Variants in NRG3 observed in about 807,000 individuals in gnomAD.
The protein encoded by NRG3 is pro-neuregulin-3, membrane-bound isoform.
Under a neutral mutation model 66.9 loss-of-function variants are expected in NRG3, and 31 were observed. The ratio of observed to expected loss-of-function variants is 0.46; its 90% CI spans 0.35 to 0.63. The LOEUF is 0.63. Among genes scored for constraint, NRG3 ranks in the 20% least tolerant of loss-of-function variants. The probability of loss-of-function intolerance (pLI) is 0.00; values close to 1 mark genes in which losing one functional copy is unlikely to be tolerated. For missense variants in NRG3, 910 were observed against 878.9 expected, an observed-to-expected ratio of 1.04 and a Z score of -0.45; for synonymous variants, 393 against 359.4, an observed-to-expected ratio of 1.09 and a Z score of -1.06.
chr10:82,900,889 G>A (rs995935834), intron 4 of NRG3, among the ~76,000 whole-genome samples: 5 of 152,098 alleles, frequency 3.3e-5, no homozygotes, highest in African/African-American at 7.2e-5. Context: ...TTTTGCCTTC[G>A]TTTTGCTTTG....
intron 2 of NRG3, among the ~76,000 whole-genome samples, chr10:82,448,796 G>T (rs1276586723): frequency 6.6e-6 from 1 of 151,934 alleles, no homozygotes; most frequent in East Asian, 1.9e-4. Context: ...ATATATTCAT[G>T]CATACATAAT....
chr10:82,892,646 A>G (rs1843262613), intron 4 of NRG3, among the ~76,000 whole-genome samples: 1 of 151,706 alleles, frequency 6.6e-6, no homozygotes, highest in South Asian at 2.1e-4. Flanking sequence ...AGCTTGGATG[A>G]TAGAGTGATA....
At chr10:82,695,972 A>C (rs1452536528) in intron 2 of NRG3, among the ~76,000 whole-genome samples, 1 of 152,166 alleles carries the variant, frequency 6.6e-6, no homozygotes, top group Non-Finnish European at 1.5e-5. Context: ...AGGATGTACT[A>C]AATCACCTTG....
At chr10:82,634,260 C>G (rs537037615) in intron 2 of NRG3, among the ~76,000 whole-genome samples, 1 of 152,040 alleles carries the variant, frequency 6.6e-6, no homozygotes, top group Admixed American at 6.6e-5. Context: ...ACTGGAAGAT[C>G]AATTAAAAGC....
intron 1 of NRG3, among the ~76,000 whole-genome samples, chr10:81,913,238 A>T (rs1017728277): frequency 6.6e-6 from 1 of 152,178 alleles, no homozygotes; most frequent in African/African-American, 2.4e-5. Context: ...AGCTTCAAAG[A>T]GCAGAGCAGT....
At chr10:82,346,659 C>T (rs2083044277) in intron 1 of NRG3, among the ~76,000 whole-genome samples, 2 of 150,924 alleles carry the variant, frequency 1.3e-5, no homozygotes, top group Admixed American at 6.6e-5. Flanking sequence ...CCTCCTTGTA[C>T]CTCTGGTAGA....
chr10:82,094,773 T>C (rs2066231843), intron 1 of NRG3, among the ~76,000 whole-genome samples: 1 of 152,132 alleles, frequency 6.6e-6, no homozygotes, highest in Non-Finnish European at 1.5e-5. Context: ...TTATCTTAAG[T>C]GAAACAACTC....
intron 1 of NRG3, among the ~76,000 whole-genome samples, chr10:81,905,482 A>C (rs1268602977): frequency 6.6e-6 from 1 of 152,214 alleles, no homozygotes; most frequent in Non-Finnish European, 1.5e-5. Context: ...CCATAGAATC[A>C]GAGAGGAGTT....
At position 81,968,526 on chromosome 10, in the gene NRG3, C is replaced by T. The variant is rs139569119; in HGVS notation, c.823+92363C>T. On this transcript the variant is annotated intron_variant, in intron 1 of 8. Coordinates refer to ENST00000372141, the MANE Select transcript of NRG3 (RefSeq NM_001010848.4). ...CGTTGGGGGACTGGGCACCCCTCTT[C>T]CAGCTGCCGTGTTTTGGCAGGAACT... Among the ~76,000 whole-genome samples the T allele has an allele frequency of 6.5e-3, 988 of 152,316 alleles. 10 individuals carry two copies. Among genetic ancestry groups the T allele is most frequent in the Middle Eastern group, 0.01 (3 of 294 alleles).
chr10:82,049,682 A>C (rs1198305580), intron 1 of NRG3, among the ~76,000 whole-genome samples: 2 of 152,046 alleles, frequency 1.3e-5, no homozygotes, highest in Non-Finnish European at 2.9e-5. Context: ...GTTTTTCAAA[A>C]GAGAGGGTCT....
At chr10:82,965,777 G>A (rs1000887119) in intron 6 of NRG3, among the ~76,000 whole-genome samples, 5 of 151,932 alleles carry the variant, frequency 3.3e-5, no homozygotes, top group African/African-American at 1.2e-4. Flanking sequence ...AGCATAAAAT[G>A]TCCAAAAGCT....
intron 2 of NRG3, among the ~76,000 whole-genome samples, chr10:82,667,380 A>C (rs976286539): frequency 1.3e-5 from 2 of 152,160 alleles, no homozygotes; most frequent in Non-Finnish European, 2.9e-5. Context: ...CTCCAGCACC[A>C]GGAGCAGGGC....
At chr10:82,310,251 A>G (rs1488817842) in intron 1 of NRG3, among the ~76,000 whole-genome samples, 3 of 152,194 alleles carry the variant, frequency 2.0e-5, no homozygotes, top group African/African-American at 7.2e-5. Context: ...GGCAGGCACC[A>G]AAAAGGTGAT....
chr10:82,753,258 C>T (rs2134967367), intron 3 of NRG3, among the ~76,000 whole-genome samples: 1 of 152,210 alleles, frequency 6.6e-6, no homozygotes, highest in Non-Finnish European at 1.5e-5. Context: ...GACATGAAAA[C>T]ATCTTTTTAT....
chr10:82,592,983 A>T (rs563259439), intron 2 of NRG3, among the ~76,000 whole-genome samples: 10 of 152,306 alleles, frequency 6.6e-5, no homozygotes, highest in African/African-American at 2.2e-4. Context: ...GCCCAATGGG[A>T]CTAACTGATG....
At chr10:82,466,783 C>A (rs117438000) in intron 2 of NRG3, among the ~76,000 whole-genome samples, 1 of 151,884 alleles carries the variant, frequency 6.6e-6, no homozygotes, top group Non-Finnish European at 1.5e-5. Flanking sequence ...GTTAAATAAA[C>A]GATGGTCACA....
intron 2 of NRG3, among the ~76,000 whole-genome samples, chr10:82,734,099 T>C (rs1179177314): frequency 6.6e-6 from 1 of 152,202 alleles, no homozygotes; most frequent in East Asian, 1.9e-4. Flanking sequence ...GCAAAACAAG[T>C]ATTGAATTTC....
intron 2 of NRG3, among the ~76,000 whole-genome samples, chr10:82,640,688 AATT>A (rs2133808457): frequency 6.6e-6 from 1 of 152,298 alleles, no homozygotes; most frequent in East Asian, 1.9e-4. Context: ...TGCTAAATAT[AATT>A]ATTATTAAAA....
chr10:82,202,784 C>T (rs722982), intron 1 of NRG3, among the ~76,000 whole-genome samples: 80,503 of 151,948 alleles, frequency 0.53, 23,626 homozygotes, highest in Middle Eastern at 0.68. Flanking sequence ...CAAAGTCCCC[C>T]GAAAGATGAA....
Sources: allele counts gnomAD v4.1 joint callset (sites outside exome capture counted in the v4.1 genomes callset), GRCh38; gene constraint gnomAD v4.1.1; transcripts MANE v1.5; gene names NCBI Gene and HGNC (gene_info 2026-07-23, HGNC 2026-07-21).